PACRG: variants seen among roughly 807,000 people sequenced by gnomAD.
PACRG encodes parkin coregulated gene protein.
Under a neutral mutation model 29.7 loss-of-function variants are expected in PACRG, and 29 were observed. The observed-to-expected ratio is 0.98, with a 90% CI of 0.73 to 1.33. The LOEUF (loss-of-function observed/expected upper bound fraction) is 1.33. PACRG is among the 40% of genes most tolerant of loss of function. PACRG has a pLI of 0.00. For synonymous variants in PACRG, 116 were observed against 118.7 expected (o/e 0.98, Z 0.15); for missense variants, 279 against 316.2 (o/e 0.88, Z 0.89).
At chr6:163,234,952 A>G (rs1317561980) in intron 4 of PACRG, among the ~76,000 whole-genome samples, 1 of 152,224 alleles carries the variant, frequency 6.6e-6, no homozygotes. Flanking sequence ...AAATGTTGGT[A>G]ACGTTTTGGG....
At chr6:162,873,159 G>T (rs967126627) in intron 2 of PACRG, among the ~76,000 whole-genome samples, 1 of 152,082 alleles carries the variant, frequency 6.6e-6, no homozygotes. Context: ...TGGTTATCAA[G>T]AAATAAATAA....
At chr6:163,141,299 C>G (rs1817140910) in intron 4 of PACRG, among the ~76,000 whole-genome samples, 1 of 152,138 alleles carries the variant, frequency 6.6e-6, no homozygotes, top group Non-Finnish European at 1.5e-5. Context: ...CTACTTAACT[C>G]TAAGTAAAAT....
chr6:163,036,959 G>A (rs1416634174), intron 2 of PACRG, among the ~76,000 whole-genome samples: 5 of 151,880 alleles, frequency 3.3e-5, no homozygotes, highest in Admixed American at 1.3e-4. Context: ...GCTAAGTTCT[G>A]GGCCAGATAT....
chr6:163,112,026 G>A, intron 4 of PACRG: 1 of 953,378 alleles, frequency 1.0e-6, no homozygotes, highest in Non-Finnish European at 1.2e-6. Flanking sequence ...CTTTATTTAG[G>A]TGACACTGTA....
At chr6:162,847,102 C>T (rs1308135780) in intron 2 of PACRG, among the ~76,000 whole-genome samples, 1 of 151,228 alleles carries the variant, frequency 6.6e-6, no homozygotes. Flanking sequence ...GTGCTCCCCA[C>T]ACTGTCCACT....
chr6:163,109,427 C>T (rs1197741083), intron 4 of PACRG, among the ~76,000 whole-genome samples: 1 of 152,156 alleles, frequency 6.6e-6, no homozygotes, highest in Non-Finnish European at 1.5e-5. Context: ...TGTCTCATCT[C>T]GATTTGAAAA....
chr6:163,223,115 C>T (rs186645774), intron 4 of PACRG, among the ~76,000 whole-genome samples: 4 of 152,118 alleles, frequency 2.6e-5, no homozygotes, highest in Non-Finnish European at 2.9e-5. Context: ...GAACATTGAC[C>T]GGGCGCGATG....
intron 4 of PACRG, among the ~76,000 whole-genome samples, chr6:163,297,041 C>T (rs1210176988): frequency 1.3e-5 from 2 of 152,234 alleles, no homozygotes; most frequent in Non-Finnish European, 2.9e-5. Flanking sequence ...TGCAATAGCT[C>T]ACTGCCTATC....
intron 2 of PACRG, among the ~76,000 whole-genome samples, chr6:162,868,043 A>C (rs562290095): frequency 3.2e-4 from 48 of 152,244 alleles, no homozygotes; most frequent in African/African-American, 1.1e-3. Context: ...TTCTCTTATG[A>C]CTTTTCTTAT....
At chr6:162,944,400 C>G (rs1222535251) in intron 2 of PACRG, among the ~76,000 whole-genome samples, 1 of 151,900 alleles carries the variant, frequency 6.6e-6, no homozygotes, top group Non-Finnish European at 1.5e-5. Flanking sequence ...TGTAAGGACA[C>G]AAGAAACATA....
chr6:162,867,298 C>A (rs1025613888), intron 2 of PACRG, among the ~76,000 whole-genome samples: 1 of 152,146 alleles, frequency 6.6e-6, no homozygotes, highest in Non-Finnish European at 1.5e-5. Context: ...TTGTTTTATT[C>A]TATTTTTGTT....
rs539955411 is a variant in PACRG, at chr6:162,770,865, A to C, written c.156+42474A>C. On this transcript the variant is annotated intron_variant, in intron 1 of 4. Coordinates refer to ENST00000366888, the MANE Select transcript of PACRG (RefSeq NM_001080379.2). ...TGCATGTTGGTAAGATAAAGATTTG[A>C]CTACCTGTATAATTTTATATTGATT... Among the ~76,000 whole-genome samples the C allele has an allele frequency of 5.3e-5, 8 of 152,288 alleles. No individual in the cohort carries two copies. In the South Asian group the frequency reaches 1.7e-3, roughly 32 times the overall value.
At chr6:163,044,905 A>G (rs1466008148) in intron 2 of PACRG, among the ~76,000 whole-genome samples, 1 of 152,188 alleles carries the variant, frequency 6.6e-6, no homozygotes, top group African/African-American at 2.4e-5. Flanking sequence ...TTCAGCTTAC[A>G]AGCTGTTTGT....
chr6:163,114,414 A>G (rs1385845540), intron 4 of PACRG, among the ~76,000 whole-genome samples: 1 of 152,218 alleles, frequency 6.6e-6, no homozygotes, highest in African/African-American at 2.4e-5. Context: ...GAAAATAGCT[A>G]TAGAATATTT....
intron 4 of PACRG, among the ~76,000 whole-genome samples, chr6:163,174,659 A>G (rs953584102): frequency 1.3e-5 from 2 of 152,196 alleles, no homozygotes; most frequent in Non-Finnish European, 1.5e-5. Context: ...GTCAATCATC[A>G]TTGTTGGGAA....
At chr6:163,229,919 C>A (rs543766909) in intron 4 of PACRG, among the ~76,000 whole-genome samples, 1 of 152,152 alleles carries the variant, frequency 6.6e-6, no homozygotes, top group African/African-American at 2.4e-5. Flanking sequence ...TAATTTAGAA[C>A]CTAATTCAAT....
At chr6:163,109,909 A>AATGAATG (rs1815613527) in intron 4 of PACRG, among the ~76,000 whole-genome samples, 1 of 152,218 alleles carries the variant, frequency 6.6e-6, no homozygotes, top group African/African-American at 2.4e-5. Context: ...ATTAGAGAGA[A>AATGAATG]ATGAATGATA....
chr6:163,284,740 G>A lies in PACRG; in HGVS notation c.614-30087G>A, dbSNP rs80307428. 4.4e-4 allele frequency among the ~76,000 whole-genome samples: 67 copies of A among 151,930 alleles called. 1 individual carries two copies. In the East Asian group the frequency reaches 0.012, roughly 27 times the overall value. On this transcript the variant is annotated intron_variant, in intron 4 of 4. Transcript: ENST00000366888. ...CCCTTCTGATGCCTCTCAGGGACTCGGCCTTCATGTGTCCAAAGGCAAATT... is the reference window on the plus strand; with the variant it reads ...CCCTTCTGATGCCTCTCAGGGACTCAGCCTTCATGTGTCCAAAGGCAAATT...
intron 4 of PACRG, among the ~76,000 whole-genome samples, chr6:163,277,581 TA>T (rs200642481): frequency 0.018 from 2,624 of 148,978 alleles, 67 homozygotes; most frequent in Admixed American, 0.074. Flanking sequence ...TCTATATATG[TA>T]TACATATATA....
Sources: allele counts gnomAD v4.1 joint callset (sites outside exome capture counted in the v4.1 genomes callset), GRCh38; gene constraint gnomAD v4.1.1; transcripts MANE v1.5; gene names NCBI Gene and HGNC (gene_info 2026-07-23, HGNC 2026-07-21).